The following IGF2BP1 variants were observed in gnomAD, a reference collection of about 807,000 sequenced individuals.
IGF2BP1 encodes the protein insulin-like growth factor 2 mRNA-binding protein 1.
A neutral mutation model predicts 74.9 loss-of-function variants in IGF2BP1; 11 were observed. That is an observed-to-expected ratio of 0.15 (90% CI 0.09 to 0.24). The LOEUF is 0.24. Among genes scored for constraint, IGF2BP1 ranks in the 10% least tolerant of loss-of-function variants. The probability of loss-of-function intolerance (pLI) is 1.00; values close to 1 mark genes in which losing one functional copy is unlikely to be tolerated. For missense variants in IGF2BP1, 440 were observed against 757.4 expected, an observed-to-expected ratio of 0.58 and a Z score of 4.92; for synonymous variants, 287 against 281.8, an observed-to-expected ratio of 1.02 and a Z score of -0.18.
intron 2 of IGF2BP1, among the ~76,000 whole-genome samples, chr17:49,025,348 G>GTT (rs1034709165): frequency 7.3e-5 from 11 of 150,884 alleles, no homozygotes; most frequent in African/African-American, 2.7e-4. Flanking sequence ...GTGTGTGTGT[G>GTT]TGTGTGTGTT....
At chr17:48,998,363 G>A (rs1173233412) in intron 1 of IGF2BP1, among the ~76,000 whole-genome samples, 1 of 152,246 alleles carries the variant, frequency 6.6e-6, no homozygotes, top group African/African-American at 2.4e-5. Flanking sequence ...GCGTGGAAGG[G>A]GTACCCGGAC....
At chr17:49,021,261 C>T (rs2041788794) in intron 2 of IGF2BP1, among the ~76,000 whole-genome samples, 1 of 152,138 alleles carries the variant, frequency 6.6e-6, no homozygotes, top group Admixed American at 6.5e-5. Flanking sequence ...ACTCTCAGCC[C>T]AGGGAGAGTT....
chr17:49,040,290 A>G (rs2042036322), intron 7 of IGF2BP1, among the ~76,000 whole-genome samples, 199 bp downstream of exon 7: 1 of 152,236 alleles, frequency 6.6e-6, no homozygotes, highest in Admixed American at 6.5e-5. Flanking sequence ...ATCTCAGCTC[A>G]CTGCAACCTC....
chr17:49,032,030 G>T, intron 5 of IGF2BP1, 57 bp downstream of exon 5: 2 of 1,456,526 alleles, frequency 1.4e-6, no homozygotes, highest in Non-Finnish European at 1.9e-6. Flanking sequence ...GTGAAGGGTG[G>T]TGTGAGCCTG....
intron 5 of IGF2BP1, among the ~76,000 whole-genome samples, chr17:49,037,620 A>G (rs1306738174): frequency 6.6e-6 from 1 of 152,224 alleles, no homozygotes; most frequent in Non-Finnish European, 1.5e-5. Context: ...TCATTAGGGC[A>G]GGATTAACAT....
chr17:49,016,909 TCCCCGC>T (rs2041712067), intron 2 of IGF2BP1, among the ~76,000 whole-genome samples: 1 of 142,878 alleles, frequency 7.0e-6, no homozygotes, highest in Non-Finnish European at 1.5e-5. Flanking sequence ...CCTCCTCCCC[TCCCCGC>T]CCCCGCCCCC....
chr17:49,017,765 C>T (rs1367826933), intron 2 of IGF2BP1: 1 of 152,304 alleles, frequency 6.6e-6, no homozygotes, highest in East Asian at 1.9e-4. Context: ...CCTGCCACCA[C>T]ACCTGGCTAA....
rs541098197 is a variant in IGF2BP1, at chr17:49,023,703, T to C, written c.237-1915T>C. Among the ~76,000 whole-genome samples the C allele has an allele frequency of 2.0e-5, 3 of 152,368 alleles. No homozygotes were observed. In the South Asian group the frequency reaches 6.2e-4, roughly 32 times the overall value. On this transcript the variant is annotated intron_variant, in intron 2 of 14. Transcript: ENST00000290341. ...TTAAGGGCTAGACTTTCTTGCTTTC[T>C]AGTTCAGTTTTCCTTCAAGCCACTA...
chr17:49,048,039 AG>A (rs1304860727), intron 14 of IGF2BP1, among the ~76,000 whole-genome samples: 1 of 152,050 alleles, frequency 6.6e-6, no homozygotes, highest in Non-Finnish European at 1.5e-5. Context: ...TAACCAGGAA[AG>A]GAAGCACTCA....
At chr17:49,019,957 C>T (rs8070146) in intron 2 of IGF2BP1, among the ~76,000 whole-genome samples, 740 of 26,170 alleles carry the variant, frequency 0.028, 10 homozygotes, top group African/African-American at 0.12. Flanking sequence ...TATTTATATA[C>T]ACACACACAC....
chr17:49,033,194 G>T (rs1487596712), intron 5 of IGF2BP1, among the ~76,000 whole-genome samples: 2 of 152,098 alleles, frequency 1.3e-5, no homozygotes, highest in Middle Eastern at 3.2e-3. Flanking sequence ...CGTACAGGAG[G>T]CTGGAGTGCA....
rs567934280 is a variant in IGF2BP1 at position 49,013,046 on chromosome 17, A to G, written c.237-12572A>G. ...TCTGATCTGCAGAACGGAAGTAGCA[A>G]TATTCTTAGTCTCCCCTGGTTGTTG... is the stretch of plus-strand genomic sequence containing the variant. On this transcript the variant is annotated intron_variant, in intron 2 of 14. Coordinates refer to ENST00000290341, the MANE Select transcript of IGF2BP1 (RefSeq NM_006546.4). 3.3e-5 allele frequency: 5 copies of G among 152,268 alleles called. No homozygotes were observed. In the South Asian group the frequency reaches 1.0e-3, roughly 32 times the overall value. The allele number at this position is 152,268 out of a possible 1,614,324, so 9.4% of individuals were successfully genotyped here.
chr17:49,006,204 G>T (rs73988937), intron 2 of IGF2BP1, among the ~76,000 whole-genome samples: 2,447 of 152,304 alleles, frequency 0.016, 67 homozygotes, highest in African/African-American at 0.056. Flanking sequence ...AGAAATCAGA[G>T]AATTCAGAAA....
intron 2 of IGF2BP1, among the ~76,000 whole-genome samples, chr17:49,005,426 GAGA>G (rs1240712035): frequency 2.0e-5 from 3 of 152,222 alleles, no homozygotes; most frequent in Non-Finnish European, 2.9e-5. Flanking sequence ...CGATGATTAA[GAGA>G]AGTTTTGAGT....
Position 49,045,082 on chromosome 17 carries a change from T to C in IGF2BP1, c.1395+17T>C. The C allele has an allele frequency of 4.4e-6, 7 of 1,608,096 alleles. No homozygotes were observed. Among genetic ancestry groups the C allele is most frequent in the Non-Finnish European group, 6.0e-6 (7 of 1,174,596 alleles). ...CAATTCAAGGTTTTGGTCTTTATTG[T>C]TTTCCAAGCTGAACATGGAGGAATT... is the stretch of plus-strand genomic sequence containing the variant. On this transcript the variant is annotated intron_variant, in intron 12 of 14. Coordinates refer to ENST00000290341, the MANE Select transcript of IGF2BP1 (RefSeq NM_006546.4).
chr17:49,049,617 A>G lies in IGF2BP1; in HGVS notation c.*173A>G. ...TTCCAGTGAGGAACCCTGATCTCTC[A>G]GCCCCAAACACCCACCCAATTGGCC... On this transcript the variant is annotated 3_prime_UTR_variant, in exon 15 of 15. Transcript: ENST00000290341. The G allele has an allele frequency of 3.4e-6, 2 of 589,278 alleles. No homozygotes were observed. The highest frequency in any genetic ancestry group is 5.9e-5 in the East Asian group (2 of 34,186). The allele number at this position is 589,278 out of a possible 1,614,324, so 36.5% of individuals were successfully genotyped here. A position where few individuals can be genotyped will look rare whatever the true frequency, so the allele number is the denominator to read the frequency against.
intron 5 of IGF2BP1, 54 bp downstream of exon 5, chr17:49,032,027 G>A: frequency 6.8e-7 from 1 of 1,467,744 alleles, no homozygotes; most frequent in Non-Finnish European, 9.5e-7. Flanking sequence ...TCTGTGAAGG[G>A]TGGTGTGAGC....
At chr17:49,039,627 A>C (rs986969673) in intron 6 of IGF2BP1, among the ~76,000 whole-genome samples, 1 of 151,830 alleles carries the variant, frequency 6.6e-6, no homozygotes, top group Non-Finnish European at 1.5e-5. Flanking sequence ...GGGTTTCACC[A>C]TGCTGGCCAG....
At chr17:49,029,840 A>G (rs1049130143) in intron 4 of IGF2BP1, among the ~76,000 whole-genome samples, 49 of 145,752 alleles carry the variant, frequency 3.4e-4, no homozygotes, top group Admixed American at 8.3e-4. Context: ...GGGTCTCCCT[A>G]TGTTGCCAGG....
Sources: allele counts gnomAD v4.1 joint callset (sites outside exome capture counted in the v4.1 genomes callset), GRCh38; gene constraint gnomAD v4.1.1; transcripts MANE v1.5; gene names NCBI Gene and HGNC (gene_info 2026-07-23, HGNC 2026-07-21).